Variants in DGKI observed in about 807,000 individuals in gnomAD.
DGKI encodes DAG kinase iota.
A neutral mutation model predicts 147.5 loss-of-function variants in DGKI; 55 were observed. The observed-to-expected ratio is 0.37, with a 90% CI of 0.30 to 0.47. DGKI has a LOEUF of 0.47. Among genes scored for constraint, DGKI ranks in the 20% least tolerant of loss-of-function variants. The pLI, the probability that DGKI is intolerant of heterozygous loss-of-function variation, is 1.00. For synonymous variants in DGKI, 469 were observed against 477.1 expected (o/e 0.98, Z 0.22); for missense variants, 1,007 against 1,323.8 (o/e 0.76, Z 3.71).
chr7:137,690,011 A>G lies in DGKI; in HGVS notation c.402-9T>C. ...CCCGGGAGATTGCTTTCCTGCAGCA[A>G]GAAGAAAAACAAAAACAAAAACAAA... On this transcript the variant is annotated splice_polypyrimidine_tract_variant and intron_variant, in intron 1 of 32. Coordinates refer to ENST00000614521, the MANE Select transcript of DGKI (RefSeq NM_001321708.2). 1 of 1,589,536 alleles carries G rather than the reference A, an allele frequency of 6.3e-7. No homozygotes were observed. Among genetic ancestry groups the G allele is most frequent in the South Asian group, 1.1e-5 (1 of 87,764 alleles).
intron 15 of DGKI, 31 bp downstream of exon 15, chr7:137,581,819 C>T (rs1273514118): frequency 3.7e-5 from 59 of 1,587,050 alleles, no homozygotes; most frequent in Non-Finnish European, 5.1e-5. Flanking sequence ...AACTTCCTCC[C>T]TGGGAGATGG....
At chr7:137,421,287 T>C (rs1812560175) in intron 28 of DGKI, among the ~76,000 whole-genome samples, 1 of 152,232 alleles carries the variant, frequency 6.6e-6, no homozygotes, top group Non-Finnish European at 1.5e-5. Context: ...ACACCACCTG[T>C]GCCAAATCCA....
chr7:137,685,851 C>T (rs145269307), intron 2 of DGKI, among the ~76,000 whole-genome samples: 28 of 152,292 alleles, frequency 1.8e-4, no homozygotes, highest in Admixed American at 3.9e-4. Context: ...GGGATTAAAA[C>T]GGCATAAATC....
At chr7:137,459,773 CA>C (rs1814358354) in intron 27 of DGKI, among the ~76,000 whole-genome samples, 2 of 152,062 alleles carry the variant, frequency 1.3e-5, no homozygotes, top group African/African-American at 2.4e-5. Context: ...TGAGCCCGGC[CA>C]AAAATTTTAT....
In DGKI at chr7:137,386,928, A is replaced by T. The variant is rs982983928; in HGVS notation, c.*4292T>A. ...TTCCTAAAATGAATATAATTCATTT[A>T]AATAGAACAATTAGTAGTTTTATTT... On this transcript the variant is annotated 3_prime_UTR_variant, in exon 33 of 33. Coordinates refer to ENST00000614521, the MANE Select transcript of DGKI (RefSeq NM_001321708.2). The T allele has an allele frequency of 6.6e-6, 1 of 152,202 alleles. No homozygotes were observed. 9.4% of individuals were successfully genotyped at this position (152,202 alleles called of 1,614,324 possible).
intron 3 of DGKI, among the ~76,000 whole-genome samples, chr7:137,667,047 C>T (rs941866836): frequency 1.1e-4 from 16 of 152,150 alleles, no homozygotes; most frequent in African/African-American, 3.9e-4. Flanking sequence ...TTCAACTCAT[C>T]AGATGCAATC....
intron 28 of DGKI, among the ~76,000 whole-genome samples, chr7:137,440,229 A>T (rs544944493): frequency 6.6e-4 from 100 of 152,346 alleles, no homozygotes; most frequent in African/African-American, 2.1e-3. Context: ...GTAGGGCTCC[A>T]GTTTCCAGAT....
At chr7:137,674,802 C>T (rs1181492068) in intron 3 of DGKI, among the ~76,000 whole-genome samples, 3 of 152,152 alleles carry the variant, frequency 2.0e-5, no homozygotes, top group African/African-American at 7.2e-5. Flanking sequence ...TGAGCTCGAA[C>T]CCCATTTCCA....
intron 1 of DGKI, among the ~76,000 whole-genome samples, chr7:137,845,450 T>C (rs1055374555): frequency 1.3e-5 from 2 of 152,144 alleles, no homozygotes; most frequent in Non-Finnish European, 2.9e-5. Flanking sequence ...ACAAGAATGT[T>C]TTCACTGACC....
chr7:137,792,627 C>A (rs550154616), intron 1 of DGKI, among the ~76,000 whole-genome samples: 1 of 152,302 alleles, frequency 6.6e-6, no homozygotes, highest in East Asian at 1.9e-4. Context: ...GAAATGTGAT[C>A]CACATTGTTG....
At chr7:137,631,732 CA>C (rs11288883) in intron 6 of DGKI, among the ~76,000 whole-genome samples, 6,942 of 146,182 alleles carry the variant, frequency 0.047, 506 homozygotes, top group African/African-American at 0.16. Context: ...AAAATTTGAA[CA>C]AAAAAAAAAT....
chr7:137,753,439 C>T (rs1237507862), intron 1 of DGKI, among the ~76,000 whole-genome samples: 1 of 152,202 alleles, frequency 6.6e-6, no homozygotes, highest in African/African-American at 2.4e-5. Flanking sequence ...GGTTCCAAGG[C>T]CTTTCAGGGC....
At chr7:137,491,490 T>C (rs992063427) in intron 21 of DGKI, among the ~76,000 whole-genome samples, 2 of 152,170 alleles carry the variant, frequency 1.3e-5, no homozygotes, top group African/African-American at 4.8e-5. Flanking sequence ...GGCAAGAACA[T>C]AAAGACCTGC....
chr7:137,597,754 G>C (rs1324117537), intron 12 of DGKI, 93 bp downstream of exon 12: 13 of 1,205,042 alleles, frequency 1.1e-5, no homozygotes, highest in African/African-American at 4.5e-5. Context: ...TAGGGGATTA[G>C]AAAGACTGAG....
chr7:137,752,976 C>T (rs1795553804), intron 1 of DGKI, among the ~76,000 whole-genome samples: 1 of 152,086 alleles, frequency 6.6e-6, no homozygotes, highest in Non-Finnish European at 1.5e-5. Flanking sequence ...ACTCATCCTT[C>T]CTAGACAGCC....
chr7:137,448,977 TGAAA>T (rs1176359187), intron 27 of DGKI, among the ~76,000 whole-genome samples: 1 of 152,178 alleles, frequency 6.6e-6, no homozygotes, highest in East Asian at 1.9e-4. Flanking sequence ...GAAACATTGA[TGAAA>T]GAAATTGAAA....
chr7:137,690,082 G>A, intron 1 of DGKI, 80 bp from the exon 2 acceptor site: 2 of 1,078,358 alleles, frequency 1.9e-6, no homozygotes, highest in Non-Finnish European at 2.6e-6. Flanking sequence ...AATTTCCCAT[G>A]GGGTAGAAAC....
intron 19 of DGKI, among the ~76,000 whole-genome samples, chr7:137,567,264 C>CCAA (rs753862380): frequency 4.0e-5 from 5 of 124,676 alleles, no homozygotes; most frequent in African/African-American, 1.4e-4. Flanking sequence ...AACTCCATCT[C>CCAA]AAAAAAAAAA....
intron 9 of DGKI, 130 bp from the exon 10 acceptor site, chr7:137,609,194 T>A: frequency 1.5e-6 from 1 of 658,854 alleles, no homozygotes; most frequent in Non-Finnish European, 2.6e-6. Context: ...ACGACTTCCA[T>A]GTAAGGCTTG....
Sources: allele counts gnomAD v4.1 joint callset (sites outside exome capture counted in the v4.1 genomes callset), GRCh38; gene constraint gnomAD v4.1.1; transcripts MANE v1.5; gene names NCBI Gene and HGNC (gene_info 2026-07-23, HGNC 2026-07-21).